Variants in HNRNPUL2 observed in about 807,000 individuals in gnomAD.
HNRNPUL2 encodes heterogeneous nuclear ribonucleoprotein U-like protein 2.
In HNRNPUL2, 27 loss-of-function variants were observed where a neutral mutation model predicts 102.2. The ratio of observed to expected loss-of-function variants is 0.26; its 90% confidence interval spans 0.19 to 0.36. The LOEUF is 0.36. Among genes scored for constraint, HNRNPUL2 ranks in the 10% least tolerant of loss-of-function variants. The pLI, the probability that HNRNPUL2 is intolerant of heterozygous loss-of-function variation, is 1.00. For missense variants in HNRNPUL2, 936 were observed against 981.1 expected (o/e 0.95, Z 0.61); for synonymous variants, 458 against 387.2 (o/e 1.18, Z -2.15).
intron 1 of HNRNPUL2, among the ~76,000 whole-genome samples, chr11:62,725,193 T>C (rs991568747): frequency 4.6e-5 from 7 of 152,208 alleles, no homozygotes; most frequent in Admixed American, 1.3e-4. Flanking sequence ...AGCAGTCTTT[T>C]ATCCTTCAAT....
intron 1 of HNRNPUL2, among the ~76,000 whole-genome samples, chr11:62,725,117 T>TG (rs1223749059): frequency 6.6e-5 from 10 of 152,216 alleles, no homozygotes; most frequent in African/African-American, 2.2e-4. Flanking sequence ...GGAAAAAACT[T>TG]GGAGTTTTTC....
chr11:62,718,560 G>A (rs2083677131), intron 10 of HNRNPUL2, among the ~76,000 whole-genome samples: 1 of 151,836 alleles, frequency 6.6e-6, no homozygotes, highest in African/African-American at 2.4e-5. Flanking sequence ...AATTAGCTGG[G>A]CGGGCACCTG....
In HNRNPUL2 at chr11:62,715,256, A is replaced by C. The variant is rs1565158991; in HGVS notation, c.*43T>G. ...TTTTGCGGGGGTGCCTGGCACCCCC[A>C]GAGATTCAGCTTCATGGCTGACAGG... On this transcript the variant is annotated 3_prime_UTR_variant, in exon 14 of 14. Coordinates refer to ENST00000301785, the MANE Select transcript of HNRNPUL2 (RefSeq NM_001079559.3). 134 of 1,388,464 alleles carry C rather than the reference A, an allele frequency of 9.7e-5. No individual in the cohort carries two copies. The highest frequency in any genetic ancestry group is 1.2e-4 in the Non-Finnish European group (124 of 1,023,848). The allele number at this position is 1,388,464 out of a possible 1,614,324, so 86.0% of individuals were successfully genotyped here.
Position 62,721,337 on chromosome 11 carries a change from G to C in HNRNPUL2, c.1569C>G (p.Val523=), listed in dbSNP as rs779734767. The change falls in exon 9 of 14, where the codon GTC becomes GTG. Residue 523 remains valine (V), a synonymous_variant. Coordinates refer to ENST00000301785, the MANE Select transcript of HNRNPUL2 (RefSeq NM_001079559.3). ...TCCTCTTTGTCCGGGAAGCAATCTG[G>C]ACCAGCTTACTAAGGCACTGGGAGG... ...QQASQCLSKL[V]QIASRTKRNF... is the part of the protein sequence containing the mutation. The C allele has an allele frequency of 2.1e-5, 33 of 1,608,904 alleles. No homozygotes were observed. In the Admixed American group the frequency reaches 5.6e-4, roughly 27 times the overall value.
rs1306516499 is a variant in HNRNPUL2, at chr11:62,726,733, T to C, written c.424A>G (p.Asn142Asp). The stretch of plus-strand genomic sequence containing the variant: ...CCGAGGCCCTGCTCTTCGCCACCAT[T>C]TACCCCGCCTGACCCGGCCGTGGCC... ...AEATAGSGGV[N>D]GGEEQGLGKR... is the part of the protein sequence containing the mutation. The change falls in exon 1 of 14, where the codon AAT becomes GAT. Residue 142 changes from asparagine to aspartate, a missense_variant. Physicochemically the swap from Asn to Asp is conservative, Grantham distance 23 (BLOSUM62 1). This residue lies in a region of HNRNPUL2 where 327 missense variants were observed against 268.1 expected (regional missense o/e 1.22). Transcript: ENST00000301785. 1.2e-6 allele frequency: 2 copies of C among 1,601,090 alleles called. No individual in the cohort carries two copies. The highest frequency in any genetic ancestry group is 1.1e-5 in the South Asian group (1 of 91,050).
rs899032416 is a variant in HNRNPUL2, at chr11:62,720,287, T to C, written c.1612-96A>G. 2.1e-5 allele frequency: 25 copies of C among 1,207,162 alleles called. No individual in the cohort carries two copies. The African/African-American group carries it at 3.1e-4, about 15-fold the overall frequency. 74.8% of individuals were successfully genotyped at this position (1,207,162 alleles called of 1,614,324 possible). ...TCAGCTGGGCACGGTGGCTCACGCCTGTAATCCTAGCACTTTGGGAGGCCG... is the reference window on the plus strand; with the variant it reads ...TCAGCTGGGCACGGTGGCTCACGCCCGTAATCCTAGCACTTTGGGAGGCCG... On this transcript the variant is annotated intron_variant, in intron 9 of 13. Coordinates refer to ENST00000301785, the MANE Select transcript of HNRNPUL2 (RefSeq NM_001079559.3).
At position 62,727,228 on chromosome 11, in the gene HNRNPUL2, G is replaced by GCGCCGCCGCCGCCGCCCGC; in HGVS notation, c.-91_-73dup. On this transcript the variant is annotated 5_prime_UTR_variant, in exon 1 of 14. Coordinates refer to ENST00000301785, the MANE Select transcript of HNRNPUL2 (RefSeq NM_001079559.3). Reference sequence around the variant, plus strand: ...CCGTCGACCGAGTCCGACCGCGCAGGCGCCGCCGCCGCCGCCCGCCTCCGC... The same window carrying GCGCCGCCGCCGCCGCCCGC: ...CCGTCGACCGAGTCCGACCGCGCAGGCGCCGCCGCCGCCGCCCGCCGCCGCCGCCGCCGCCCGCCTCCGC... 2 of 1,298,120 alleles carry GCGCCGCCGCCGCCGCCCGC rather than the reference G, an allele frequency of 1.5e-6. No individual in the cohort carries two copies. Among genetic ancestry groups the GCGCCGCCGCCGCCGCCCGC allele is most frequent in the Non-Finnish European group, 1.9e-6 (2 of 1,025,676 alleles). The allele number at this position is 1,298,120 out of a possible 1,614,324, so 80.4% of individuals were successfully genotyped here.
intron 1 of HNRNPUL2, among the ~76,000 whole-genome samples, chr11:62,725,413 T>C (rs143580468): frequency 6.6e-6 from 1 of 152,226 alleles, no homozygotes; most frequent in Non-Finnish European, 1.5e-5. Context: ...TTGACCAGGC[T>C]GGTCTCAAAC....
chr11:62,719,985 TTC>T (rs1309675269), intron 10 of HNRNPUL2, 36 bp downstream of exon 10: 5 of 1,579,556 alleles, frequency 3.2e-6, no homozygotes, highest in South Asian at 2.2e-5. Flanking sequence ...GTCTATGGTA[TTC>T]TGTTATAGCA....
intron 12 of HNRNPUL2, 98 bp from the exon 13 acceptor site, chr11:62,715,705 T>A (rs2083655293): frequency 1.8e-6 from 2 of 1,130,420 alleles, no homozygotes; most frequent in African/African-American, 3.1e-5. Context: ...TAGCTCGATA[T>A]TATAAATTGG....
At position 62,726,181 on chromosome 11, in the gene HNRNPUL2, C is replaced by A. The variant is rs1392182007; in HGVS notation, c.538+438G>T. ...ATGCTTTTAATGGAACGGACTTTGA[C>A]GGACTTCGATTTTTGCTTAACATTT... On this transcript the variant is annotated intron_variant, in intron 1 of 13. Transcript: ENST00000301785. Among the ~76,000 whole-genome samples, 3 of 152,160 alleles carry A rather than the reference C, an allele frequency of 2.0e-5. No homozygotes were observed. In the East Asian group the frequency reaches 5.8e-4, roughly 29 times the overall value.
rs917792550 is a variant in HNRNPUL2 at position 62,714,122 on chromosome 11, AC to A, written c.*1176del. ...ACTCTTCCCAAGGTTCAGCAGCCCCACTGAGCTGCCTCCCACCCCCCCCCAC... is the reference window on the plus strand; with the variant it reads ...ACTCTTCCCAAGGTTCAGCAGCCCCATGAGCTGCCTCCCACCCCCCCCCAC... On this transcript the variant is annotated 3_prime_UTR_variant, in exon 14 of 14. Transcript: ENST00000301785. The A allele has an allele frequency of 2.7e-5, 4 of 147,640 alleles. No individual in the cohort carries two copies. Among genetic ancestry groups the A allele is most frequent in the African/African-American group, 1.0e-4 (4 of 39,884 alleles). The allele number at this position is 147,640 out of a possible 1,614,324, so 9.1% of individuals were successfully genotyped here. A position where few individuals can be genotyped will look rare whatever the true frequency, so the allele number is the denominator to read the frequency against.
intron 2 of HNRNPUL2, 81 bp from the exon 3 acceptor site, chr11:62,724,071 C>T (rs1251323305): frequency 2.4e-6 from 3 of 1,266,548 alleles, no homozygotes; most frequent in African/African-American, 3.0e-5. Flanking sequence ...ACATTATGTC[C>T]ATTTTAAACT....
chr11:62,722,154 C>A lies in HNRNPUL2; in HGVS notation c.1322G>T (p.Arg441Leu). Residue 441 changes from arginine to leucine, a missense_variant, in exon 7 of 14, where the codon CGC (arginine) becomes CTC (leucine). By Grantham distance (102) the Arg-to-Leu change is moderately radical. Around this residue, in one of 2 missense-constraint regions of HNRNPUL2, gnomAD observed 609 missense variants for 713.0 expected, o/e 0.85. Transcript: ENST00000301785. ...IHAVPVEERV[R>L]TAVPPKTIEE... ...TATGGTCTTGGGAGGGACTGCAGTGCGTACACGCTCCTCAACAGGCACAGC... is the reference window on the plus strand; with the variant it reads ...TATGGTCTTGGGAGGGACTGCAGTGAGTACACGCTCCTCAACAGGCACAGC... 3 of 1,614,040 alleles carry A rather than the reference C, an allele frequency of 1.9e-6. No homozygotes were observed. Among genetic ancestry groups the A allele is most frequent in the South Asian group, 1.1e-5 (1 of 91,086 alleles).
At chr11:62,721,169 A>C (rs1408275152) in intron 9 of HNRNPUL2, 126 bp downstream of exon 9, 2 of 901,628 alleles carry the variant, frequency 2.2e-6, no homozygotes, top group African/African-American at 1.8e-5. Flanking sequence ...CTGAGTTCAA[A>C]AAACATTGCA....
rs575579412 is a variant in HNRNPUL2, at chr11:62,720,945, T to C, written c.1611+350A>G. On this transcript the variant is annotated intron_variant, in intron 9 of 13. Transcript: ENST00000301785. The stretch of plus-strand genomic sequence containing the variant: ...TAAAGGGTCAATACACATGATCTTC[T>C]TTAACTTTTCAAACTACATGACAGG... Among the ~76,000 whole-genome samples the C allele has an allele frequency of 2.0e-4, 30 of 151,620 alleles. No homozygotes were observed. The South Asian group carries it at 6.0e-3, about 30-fold the overall frequency.
rs1309056211 is a variant in HNRNPUL2 at position 62,727,215 on chromosome 11, T to G, written c.-59A>C. 10 of 1,287,476 alleles carry G rather than the reference T, an allele frequency of 7.8e-6. No individual in the cohort carries two copies. The highest frequency in any genetic ancestry group is 8.8e-6 in the Non-Finnish European group (9 of 1,018,164). 79.8% of individuals were successfully genotyped at this position (1,287,476 alleles called of 1,614,324 possible). On this transcript the variant is annotated 5_prime_UTR_variant, in exon 1 of 14. Transcript: ENST00000301785. ...CCTCCCCTGCGAACCGTCGACCGAG[T>G]CCGACCGCGCAGGCGCCGCCGCCGC...
At position 62,712,855 on chromosome 11, in the gene HNRNPUL2, C is replaced by T. The variant is rs1043706056; in HGVS notation, c.*2444G>A. 21 of 152,266 alleles carry T rather than the reference C, an allele frequency of 1.4e-4. 5 individuals are homozygous for T. The highest frequency in any genetic ancestry group is 1.2e-3 in the Admixed American group (19 of 15,296). 9.4% of individuals were successfully genotyped at this position (152,266 alleles called of 1,614,324 possible). A position where few individuals can be genotyped will look rare whatever the true frequency, so the allele number is the denominator to read the frequency against. On this transcript the variant is annotated 3_prime_UTR_variant, in exon 14 of 14. Transcript: ENST00000301785. Reference sequence around the variant, plus strand: ...CAGGCTCCATGTGGTGTTTTTCTCACAAGCTTTCCTGTCTACAACTACAAC... The same window carrying T: ...CAGGCTCCATGTGGTGTTTTTCTCATAAGCTTTCCTGTCTACAACTACAAC...
Position 62,726,806 on chromosome 11 carries a change from T to A in HNRNPUL2, c.351A>T (p.Ala117=), listed in dbSNP as rs1164465934. The part of the protein sequence containing the change: ...AQPPPEPPEA[A]AMEAAAEPDA... The stretch of plus-strand genomic sequence containing the variant: ...CTGGCTCGGCCGCGGCCTCCATGGC[T>A]GCCGCCTCCGGGGGCTCCGGCGGCG... Residue 117 remains alanine, a synonymous_variant, in exon 1 of 14, where the codon GCA becomes GCT. Coordinates refer to ENST00000301785, the MANE Select transcript of HNRNPUL2 (RefSeq NM_001079559.3). The A allele has an allele frequency of 6.3e-7, 1 of 1,596,118 alleles. No homozygotes were observed. Among genetic ancestry groups the A allele is most frequent in the Admixed American group, 1.7e-5 (1 of 59,572 alleles).
Sources: gnomAD v4.1 joint callset for allele counts (sites outside exome capture counted in the v4.1 genomes callset) on GRCh38, gnomAD v4.1.1 for gene constraint, gnomAD v4.1.1 regional missense constraint, MANE v1.5 for transcripts, NCBI Gene and HGNC (gene_info 2026-07-23, HGNC 2026-07-21) for gene names.